NELL1: variants seen among roughly 807,000 people sequenced by gnomAD.
NELL1 encodes protein kinase C-binding protein NELL1.
NELL1 carries 76 observed loss-of-function variants against 107.4 expected under a neutral mutation model. The observed-to-expected ratio is 0.71, with a 90% CI of 0.59 to 0.86. NELL1 has a LOEUF of 0.86. Ranked by LOEUF, NELL1 falls within the 40% of genes least tolerant of loss-of-function variation. NELL1 has a pLI of 0.00. For synonymous variants in NELL1, 353 were observed against 341.2 expected (o/e 1.03, Z -0.38); for missense variants, 1,024 against 1,005.5 (o/e 1.02, Z -0.25).
intron 12 of NELL1, among the ~76,000 whole-genome samples, chr11:21,007,629 A>C (rs1370492618): frequency 6.8e-6 from 1 of 146,168 alleles, no homozygotes; most frequent in Non-Finnish European, 1.5e-5. Context: ...GCCAGATTCC[A>C]TCCTTTTGGT....
chr11:21,127,642 G>C (rs953806986), intron 13 of NELL1, among the ~76,000 whole-genome samples: 2 of 151,896 alleles, frequency 1.3e-5, no homozygotes, highest in Non-Finnish European at 2.9e-5. Flanking sequence ...AGAGGAGGAG[G>C]GGGAGGACAG....
At chr11:20,815,543 TGTA>T (rs1348553914) in intron 3 of NELL1, among the ~76,000 whole-genome samples, 1 of 152,192 alleles carries the variant, frequency 6.6e-6, no homozygotes, top group East Asian at 1.9e-4. Context: ...CCTTGTAGAT[TGTA>T]GTTATTAGAC....
intron 14 of NELL1, among the ~76,000 whole-genome samples, chr11:21,286,951 C>T (rs1413777162): frequency 3.9e-5 from 6 of 152,160 alleles, no homozygotes; most frequent in Non-Finnish European, 8.8e-5. Flanking sequence ...ATAACTGTAC[C>T]TGCCTTATAG....
chr11:20,907,732 G>A (rs1850033889), intron 5 of NELL1, among the ~76,000 whole-genome samples: 1 of 152,134 alleles, frequency 6.6e-6, no homozygotes, highest in African/African-American at 2.4e-5. Flanking sequence ...AAACTAAAGA[G>A]CTTCTGCACA....
At chr11:21,304,270 G>T (rs1041253419) in intron 14 of NELL1, among the ~76,000 whole-genome samples, 1 of 151,954 alleles carries the variant, frequency 6.6e-6, no homozygotes, top group Non-Finnish European at 1.5e-5. Context: ...TGCGTCCTAT[G>T]TATTATTTCC....
chr11:20,902,360 A>T (rs888819601), intron 5 of NELL1, among the ~76,000 whole-genome samples: 1 of 152,146 alleles, frequency 6.6e-6, no homozygotes, highest in Admixed American at 6.6e-5. Flanking sequence ...ACCAGTGAAC[A>T]TATTGAAAGT....
At chr11:20,895,926 T>A (rs1316935868) in intron 5 of NELL1, among the ~76,000 whole-genome samples, 2 of 152,206 alleles carry the variant, frequency 1.3e-5, no homozygotes, top group African/African-American at 4.8e-5. Context: ...TATTTCATTG[T>A]GTATATAGGC....
chr11:21,512,393 C>A (rs1590993739), intron 15 of NELL1, among the ~76,000 whole-genome samples: 1 of 152,182 alleles, frequency 6.6e-6, no homozygotes, highest in East Asian at 1.9e-4. Flanking sequence ...GGGAGTATGT[C>A]ATCCAAGGAT....
intron 12 of NELL1, among the ~76,000 whole-genome samples, chr11:21,018,254 T>C: frequency 6.6e-6 from 1 of 152,146 alleles, no homozygotes; most frequent in East Asian, 1.9e-4. Context: ...GTTTCAATAA[T>C]ACATGTTCAA....
intron 2 of NELL1, among the ~76,000 whole-genome samples, chr11:20,730,395 A>AAT (rs1328973127): frequency 4.6e-5 from 7 of 152,134 alleles, no homozygotes; most frequent in Admixed American, 2.0e-4. Context: ...CTATTTTTGC[A>AAT]TCATATTCCC....
At chr11:21,200,022 C>T (rs1323511825) in intron 13 of NELL1, among the ~76,000 whole-genome samples, 1 of 152,164 alleles carries the variant, frequency 6.6e-6, no homozygotes, top group Non-Finnish European at 1.5e-5. Flanking sequence ...ATATGTGTCA[C>T]ATTTTCTTTA....
At chr11:20,905,002 ATTT>A (rs201231648) in intron 5 of NELL1, among the ~76,000 whole-genome samples, 2 of 129,606 alleles carry the variant, frequency 1.5e-5, no homozygotes, top group Admixed American at 1.6e-4. Flanking sequence ...CTAATTTTTA[ATTT>A]TTTTTTTTTT....
intron 13 of NELL1, among the ~76,000 whole-genome samples, chr11:21,225,066 T>C (rs143751469): frequency 3.3e-5 from 5 of 152,286 alleles, no homozygotes; most frequent in Non-Finnish European, 2.9e-5. Context: ...TCAGATGCTA[T>C]GGTAATGGTA....
At chr11:20,720,202 G>GTTTTTTTTTT (rs72275946) in intron 2 of NELL1, among the ~76,000 whole-genome samples, 5 of 141,058 alleles carry the variant, frequency 3.5e-5, no homozygotes, top group Non-Finnish European at 7.5e-5. Flanking sequence ...GTTCATTCCT[G>GTTTTTTTTTT]TTTTTTTTTT....
chr11:21,441,605 T>G (rs1016641349), intron 15 of NELL1, among the ~76,000 whole-genome samples: 2 of 152,118 alleles, frequency 1.3e-5, no homozygotes, highest in Admixed American at 1.3e-4. Context: ...GCTATGGTTT[T>G]CTAGCTCTAA....
chr11:21,310,901 G>T (rs1284674544), intron 14 of NELL1, among the ~76,000 whole-genome samples: 1 of 152,086 alleles, frequency 6.6e-6, no homozygotes, highest in African/African-American at 2.4e-5. Context: ...TGGGTGCTGA[G>T]AATTCATTGA....
intron 3 of NELL1, among the ~76,000 whole-genome samples, chr11:20,828,482 G>A (rs979947048): frequency 6.6e-6 from 1 of 152,194 alleles, no homozygotes; most frequent in South Asian, 2.1e-4. Context: ...GGTATGAGGA[G>A]CCATTTTCCT....
chr11:20,927,162 CAAAA>C, intron 7 of NELL1, 142 bp from the exon 8 acceptor site: 2 of 679,404 alleles, frequency 2.9e-6, no homozygotes. Context: ...ATAAAAAAAA[CAAAA>C]AACAGATAAT....
rs567436953 is a variant in NELL1, at chr11:21,279,958, G to T, written c.1549+50504G>T. Among the ~76,000 whole-genome samples the T allele has an allele frequency of 2.4e-4, 37 of 152,286 alleles. No individual in the cohort carries two copies. In the South Asian group the frequency reaches 7.7e-3, roughly 32 times the overall value. On this transcript the variant is annotated intron_variant, in intron 14 of 19. Coordinates refer to ENST00000357134, the MANE Select transcript of NELL1 (RefSeq NM_006157.5). ...TGCACAATACTAGGTGACAGAAGCC[G>T]ATCTGCAAATGTCACATGTGATTTC...
Sources: allele counts gnomAD v4.1 joint callset (sites outside exome capture counted in the v4.1 genomes callset), GRCh38; gene constraint gnomAD v4.1.1; transcripts MANE v1.5; gene names NCBI Gene and HGNC (gene_info 2026-07-23, HGNC 2026-07-21).